DLGAP1: variants seen among roughly 807,000 people sequenced by gnomAD.
DLGAP1 encodes disks large-associated protein 1.
DLGAP1 carries 11 observed loss-of-function variants against 90.8 expected under a neutral mutation model. That is an observed-to-expected ratio of 0.12 (90% confidence interval 0.08 to 0.20). The LOEUF (loss-of-function observed/expected upper bound fraction) is 0.20, where lower values mean the gene tolerates loss of function less well. Among genes scored for constraint, DLGAP1 ranks in the 10% least tolerant of loss-of-function variants. DLGAP1 has a pLI of 1.00. For synonymous variants in DLGAP1, 558 were observed against 540.7 expected, an observed-to-expected ratio of 1.03 and a Z score of -0.44; for missense variants, 1,050 against 1,333.8, an observed-to-expected ratio of 0.79 and a Z score of 3.31.
chr18:3,845,837 A>AT (rs1489789350), intron 4 of DLGAP1, among the ~76,000 whole-genome samples: 1 of 152,228 alleles, frequency 6.6e-6, no homozygotes, highest in African/African-American at 2.4e-5. Flanking sequence ...AAACAGAGAG[A>AT]TTTTAAGGAG....
chr18:4,092,963 C>T (rs2075792881), intron 2 of DLGAP1, among the ~76,000 whole-genome samples: 1 of 152,200 alleles, frequency 6.6e-6, no homozygotes, highest in Non-Finnish European at 1.5e-5. Flanking sequence ...ATGCCTCTTC[C>T]TCCAGTGCTC....
At chr18:3,995,832 C>CTTAT (rs1568340951) in intron 3 of DLGAP1, 1 of 151,298 alleles carries the variant, frequency 6.6e-6, no homozygotes, top group Admixed American at 6.6e-5. Context: ...GATATTTAAT[C>CTTAT]TTATTTATTT....
At chr18:3,973,806 A>G (rs1001232763) in intron 3 of DLGAP1, among the ~76,000 whole-genome samples, 2 of 152,232 alleles carry the variant, frequency 1.3e-5, no homozygotes, top group Non-Finnish European at 2.9e-5. Flanking sequence ...GGAGAAGATA[A>G]TACTGTAGAG....
At chr18:3,605,955 C>T (rs1442344974) in intron 7 of DLGAP1, among the ~76,000 whole-genome samples, 2 of 151,814 alleles carry the variant, frequency 1.3e-5, no homozygotes, top group Non-Finnish European at 1.5e-5. Flanking sequence ...AGACTTCAAA[C>T]AAAACACTAA....
intron 4 of DLGAP1, among the ~76,000 whole-genome samples, chr18:3,838,478 A>G (rs2068530513): frequency 6.6e-6 from 1 of 152,344 alleles, no homozygotes; most frequent in South Asian, 2.1e-4. Context: ...TACATGCTTA[A>G]AAGTGAAGGA....
intron 7 of DLGAP1, 79 bp from the exon 8 acceptor site, chr18:3,582,327 G>T (rs1193353083): frequency 6.5e-7 from 1 of 1,536,710 alleles, no homozygotes; most frequent in Non-Finnish European, 8.7e-7. Context: ...CAGCCATTGG[G>T]AATTAGGGCA....
intron 2 of DLGAP1, among the ~76,000 whole-genome samples, chr18:4,071,612 G>T (rs541694005): frequency 1.3e-5 from 2 of 152,214 alleles, no homozygotes; most frequent in Admixed American, 1.3e-4. Context: ...TCTAATAATA[G>T]TCCCATTATA....
chr18:3,641,586 T>TACACAC (rs61136246), intron 7 of DLGAP1, among the ~76,000 whole-genome samples: 14,923 of 135,244 alleles, frequency 0.11, 1,096 homozygotes, highest in East Asian at 0.31. Flanking sequence ...CATATATATA[T>TACACAC]ACACACACAC....
chr18:3,562,855 G>GTC (rs890616408), intron 9 of DLGAP1, among the ~76,000 whole-genome samples: 2 of 151,790 alleles, frequency 1.3e-5, no homozygotes, highest in Non-Finnish European at 2.9e-5. Flanking sequence ...TTGAGACACG[G>GTC]TCTCTCTCTG....
At chr18:4,090,645 G>A (rs1353842586) in intron 2 of DLGAP1, among the ~76,000 whole-genome samples, 2 of 152,188 alleles carry the variant, frequency 1.3e-5, no homozygotes, top group African/African-American at 4.8e-5. Context: ...CACCACTGGT[G>A]GGAATGTAAA....
chr18:4,235,717 G>GTTTTTT (rs2078395182), intron 1 of DLGAP1, among the ~76,000 whole-genome samples: 1 of 101,602 alleles, frequency 9.8e-6, no homozygotes, highest in African/African-American at 3.7e-5. Flanking sequence ...CAATTTCAAT[G>GTTTTTT]TCTTTTTTTT....
At chr18:3,975,829 C>T (rs2073559967) in intron 3 of DLGAP1, among the ~76,000 whole-genome samples, 1 of 152,090 alleles carries the variant, frequency 6.6e-6, no homozygotes, top group Non-Finnish European at 1.5e-5. Context: ...CACAAAAACA[C>T]AAATATTGTA....
At chr18:3,634,506 A>G (rs1340653867) in intron 7 of DLGAP1, among the ~76,000 whole-genome samples, 2 of 152,110 alleles carry the variant, frequency 1.3e-5, no homozygotes, top group Non-Finnish European at 2.9e-5. Context: ...CTCTTCTTCA[A>G]GTTTTCAATT....
At chr18:3,639,396 G>GAA (rs2058842169) in intron 7 of DLGAP1, among the ~76,000 whole-genome samples, 1 of 149,728 alleles carries the variant, frequency 6.7e-6, no homozygotes, top group African/African-American at 2.5e-5. Context: ...GAAAAGAAAA[G>GAA]AAAAGAAAAA....
At position 3,984,088 on chromosome 18, in the gene DLGAP1, G is replaced by A. The variant is rs535573109; in HGVS notation, c.-73+21028C>T. ...GCTTCTGAAACTTCTCCAATTTGCA[G>A]TCTTTTGAAAGAGAAAAAAATAATC... On this transcript the variant is annotated intron_variant, in intron 3 of 12. Coordinates refer to ENST00000315677, the MANE Select transcript of DLGAP1 (RefSeq NM_004746.4). The A allele has an allele frequency of 6.2e-4, 94 of 152,300 alleles. 1 individual carries two copies. The highest frequency in any genetic ancestry group is 2.2e-3 in the African/African-American group (93 of 41,564). The allele number at this position is 152,300 out of a possible 1,614,324, so 9.4% of individuals were successfully genotyped here. A position where few individuals can be genotyped will look rare whatever the true frequency, so the allele number is the denominator to read the frequency against.
chr18:3,778,559 G>A (rs1020126390), intron 5 of DLGAP1, among the ~76,000 whole-genome samples: 1 of 152,136 alleles, frequency 6.6e-6, no homozygotes, highest in South Asian at 2.1e-4. Context: ...GGCTGTATAG[G>A]CAGGTTTTTC....
chr18:3,543,684 T>G (rs906560218), intron 9 of DLGAP1, among the ~76,000 whole-genome samples: 7 of 152,198 alleles, frequency 4.6e-5, no homozygotes, highest in African/African-American at 1.7e-4. Flanking sequence ...CCAAGACATT[T>G]GATATCAGAC....
chr18:4,206,296 G>A (rs545880698), intron 1 of DLGAP1, among the ~76,000 whole-genome samples: 13 of 152,180 alleles, frequency 8.5e-5, no homozygotes, highest in African/African-American at 2.4e-4. Context: ...TCATGATTCC[G>A]GAAGTTTTTA....
chr18:4,219,198 G>A lies in DLGAP1; in HGVS notation c.-266-67911C>T, dbSNP rs548531148. Among the ~76,000 whole-genome samples the A allele has an allele frequency of 2.6e-5, 4 of 151,364 alleles. No individual in the cohort carries two copies. The South Asian group carries it at 8.4e-4, about 32-fold the overall frequency. On this transcript the variant is annotated intron_variant, in intron 1 of 12. Transcript: ENST00000315677. ...ACAGGTATAAGATGATATCTCATTG[G>A]GGTTTTAATTTGCGTTTCTCTAATG...
Sources: allele counts gnomAD v4.1 joint callset (sites outside exome capture counted in the v4.1 genomes callset), GRCh38; gene constraint gnomAD v4.1.1; transcripts MANE v1.5; gene names NCBI Gene and HGNC (gene_info 2026-07-23, HGNC 2026-07-21).